The following PLCXD1 variants were observed in gnomAD, a reference collection of about 807,000 sequenced individuals.
The protein encoded by PLCXD1 is PI-PLC X domain-containing protein 1.
In PLCXD1, 45 loss-of-function variants were observed where a neutral mutation model predicts 37.8. The ratio of observed to expected loss-of-function variants is 1.19; its 90% CI spans 0.94 to 1.53. PLCXD1 has a LOEUF of 1.53. Ranked by LOEUF, PLCXD1 falls within the 40% of genes most tolerant of loss-of-function variation. The probability of loss-of-function intolerance (pLI) is 0.00; values close to 1 mark genes in which losing one functional copy is unlikely to be tolerated. For missense variants in PLCXD1, 539 were observed against 454.7 expected (o/e 1.19, Z -1.69); for synonymous variants, 246 against 206.9 (o/e 1.19, Z -1.62).
chrX:293,344 G>A (rs1360551550), intron 6 of PLCXD1, 126 bp downstream of exon 6: 3 of 736,644 alleles, frequency 4.1e-6, no homozygotes, highest in Non-Finnish European at 6.7e-6. Context: ...TCCATGAGCT[G>A]GGCGTGGTAA....
intron 6 of PLCXD1, among the ~76,000 whole-genome samples, chrX:295,278 G>A (rs180815977): frequency 9.2e-5 from 14 of 152,154 alleles, no homozygotes; most frequent in African/African-American, 2.6e-4. Flanking sequence ...CCACGGCCCC[G>A]TGTCCTCCGG....
At position 297,349 on chromosome X, in the gene PLCXD1, C is replaced by G. The variant is rs2069850030; in HGVS notation, c.734-1748C>G. ...CACATGGGGATTAGGACGTGGACATCTTTGGGGCCATTATTCTGTCTCCCA... is the reference window on the plus strand; with the variant it reads ...CACATGGGGATTAGGACGTGGACATGTTTGGGGCCATTATTCTGTCTCCCA... On this transcript the variant is annotated intron_variant, in intron 6 of 6. Coordinates refer to ENST00000381657, the MANE Select transcript of PLCXD1 (RefSeq NM_018390.4). 5.3e-5 allele frequency among the ~76,000 whole-genome samples: 3 copies of G among 56,190 alleles called. 1 individual carries two copies. The highest frequency in any genetic ancestry group is 9.3e-5 in the Non-Finnish European group (3 of 32,384). 36.9% of individuals were successfully genotyped at this position (56,190 alleles called of 152,430 possible).
chrX:283,828 T>G, intron 1 of PLCXD1: 1 of 199,322 alleles, frequency 5.0e-6, no homozygotes. Flanking sequence ...AAACATTTTT[T>G]GGAGCTGCAA....
chrX:276,931 C>CG (rs1304019727), upstream of PLCXD1, among the ~76,000 whole-genome samples: 1 of 152,198 alleles, frequency 6.6e-6, no homozygotes, highest in African/African-American at 2.4e-5. Context: ...GAGGACTCAG[C>CG]GGGCGGGAAG....
chrX:299,382 C>T lies in PLCXD1; in HGVS notation c.*47C>T, dbSNP rs200951211. The T allele has an allele frequency of 1.3e-4, 174 of 1,336,198 alleles. No individual in the cohort carries two copies. In the Middle Eastern group the frequency reaches 3.1e-3, roughly 24 times the overall value. 82.8% of individuals were successfully genotyped at this position (1,336,198 alleles called of 1,614,324 possible). A position where few individuals can be genotyped will look rare whatever the true frequency, so the allele number is the denominator to read the frequency against. ...GACGCGGCGGCTGCAGTTTCACCCC[C>T]GAATTTCCAAGTATTGTGACTTTGT... On this transcript the variant is annotated 3_prime_UTR_variant, in exon 7 of 7. Transcript: ENST00000381657.
upstream of PLCXD1, among the ~76,000 whole-genome samples, chrX:278,368 C>T (rs2069195772): frequency 6.6e-6 from 1 of 152,104 alleles, no homozygotes; most frequent in African/African-American, 2.4e-5. Context: ...TGGGTCCAGC[C>T]TGTCCTAGGA....
intron 1 of PLCXD1, 48 bp from the exon 2 acceptor site, chrX:284,119 G>C (rs1485574305): frequency 1.9e-5 from 29 of 1,523,468 alleles, no homozygotes; most frequent in Non-Finnish European, 2.4e-5. Flanking sequence ...TCGAACTCCT[G>C]ACCTGAAGTC....
intron 6 of PLCXD1, among the ~76,000 whole-genome samples, chrX:296,885 CATGGGGATTAGGACGTGGACAT>C (rs1249940171): frequency 0.026 from 3,840 of 145,682 alleles, no homozygotes; most frequent in East Asian, 0.038. Context: ...CTGTCTCCCA[CATGGGGATTAGGACGTGGACAT>C]CTTTGGGGCC....
chrX:291,405 C>G (rs975167681), intron 4 of PLCXD1, 94 bp from the exon 5 acceptor site: 6 of 1,463,810 alleles, frequency 4.1e-6, no homozygotes, highest in South Asian at 3.5e-5. Flanking sequence ...CTCGGCCTCC[C>G]AAATTGCTGG....
chrX:301,111 A>G lies in PLCXD1; in HGVS notation c.*1776A>G, dbSNP rs2070004153. Reference sequence around the variant, plus strand: ...CTGCAGCCTCAACCTCCTGGGCTCAAGCGATCCTCTCAGCTCAGCCTCCCG... The same window carrying G: ...CTGCAGCCTCAACCTCCTGGGCTCAGGCGATCCTCTCAGCTCAGCCTCCCG... On this transcript the variant is annotated 3_prime_UTR_variant, in exon 7 of 7. Transcript: ENST00000381657. 1 of 152,250 alleles carries G rather than the reference A, an allele frequency of 6.6e-6. No individual in the cohort carries two copies. The highest frequency in any genetic ancestry group is 6.6e-5 in the Admixed American group (1 of 15,260). 9.4% of individuals were successfully genotyped at this position (152,250 alleles called of 1,614,324 possible). A position where few individuals can be genotyped will look rare whatever the true frequency, so the allele number is the denominator to read the frequency against.
chrX:296,235 C>T (rs1355649043), intron 6 of PLCXD1, among the ~76,000 whole-genome samples: 1 of 152,178 alleles, frequency 6.6e-6, no homozygotes, highest in Non-Finnish European at 1.5e-5. Context: ...ATTCTCCTGC[C>T]TCAGCCTCCC....
rs188518927 is a variant in PLCXD1 at position 300,643 on chromosome X, T to C, written c.*1308T>C. The C allele has an allele frequency of 6.6e-6, 1 of 152,242 alleles. No homozygotes were observed. The highest frequency in any genetic ancestry group is 1.9e-4 in the East Asian group (1 of 5,168). The allele number at this position is 152,242 out of a possible 1,614,324, so 9.4% of individuals were successfully genotyped here. A position where few individuals can be genotyped will look rare whatever the true frequency, so the allele number is the denominator to read the frequency against. On this transcript the variant is annotated 3_prime_UTR_variant, in exon 7 of 7. Transcript: ENST00000381657. ...ACGTGTATGTATACATGTATATGTGTGTATGCGTGTATATACACACGTATA... is the reference window on the plus strand; with the variant it reads ...ACGTGTATGTATACATGTATATGTGCGTATGCGTGTATATACACACGTATA...
chrX:300,490 A>C lies in PLCXD1; in HGVS notation c.*1155A>C, dbSNP rs936822075. 1 of 137,208 alleles carries C rather than the reference A, an allele frequency of 7.3e-6. No homozygotes were observed. Among genetic ancestry groups the C allele is most frequent in the African/African-American group, 3.0e-5 (1 of 33,576 alleles). The allele number at this position is 137,208 out of a possible 1,614,324, so 8.5% of individuals were successfully genotyped here. On this transcript the variant is annotated 3_prime_UTR_variant, in exon 7 of 7. Coordinates refer to ENST00000381657, the MANE Select transcript of PLCXD1 (RefSeq NM_018390.4). ...TGTGTGTGTGTGTGTATATGTGTGT[A>C]TGTGTGTATATATGTATATGTGTGC...
At chrX:290,422 TCC>T (rs2069592423) in intron 3 of PLCXD1, among the ~76,000 whole-genome samples, 1 of 110,826 alleles carries the variant, frequency 9.0e-6, no homozygotes, top group South Asian at 3.1e-4. Context: ...AGAGCGAGAC[TCC>T]GTCTCAAAAA....
At position 300,432 on chromosome X, in the gene PLCXD1, A is replaced by G. The variant is rs2069968520; in HGVS notation, c.*1097A>G. The G allele has an allele frequency of 1.1e-5, 1 of 89,926 alleles. No homozygotes were observed. Among genetic ancestry groups the G allele is most frequent in the South Asian group, 2.8e-4 (1 of 3,612 alleles). 5.6% of individuals were successfully genotyped at this position (89,926 alleles called of 1,614,324 possible). The stretch of plus-strand genomic sequence containing the variant: ...TATATATGTGTATATATCGGTGTGT[A>G]TATATGTATGTATGTTTATACATGT... On this transcript the variant is annotated 3_prime_UTR_variant, in exon 7 of 7. Transcript: ENST00000381657.
chrX:287,696 G>C (rs1484175750), intron 2 of PLCXD1, among the ~76,000 whole-genome samples: 1 of 141,938 alleles, frequency 7.0e-6, no homozygotes, highest in Non-Finnish European at 1.5e-5. Context: ...TATAGATATA[G>C]ATACTATATA....
chrX:290,681 G>C lies in PLCXD1; in HGVS notation c.298G>C (p.Val100Leu), dbSNP rs201155514. Residue 100 changes from valine to leucine, a missense_variant, in exon 4 of 7, where the codon GTG becomes CTG. Physicochemically the swap from Val to Leu is conservative, Grantham distance 32. Coordinates refer to ENST00000381657, the MANE Select transcript of PLCXD1 (RefSeq NM_018390.4). ...CGTCACAGAGCAGCTGGATGCCGGGGTGCGGTACCTGGACCTGCGGATAGC... is the reference window on the plus strand; with the variant it reads ...CGTCACAGAGCAGCTGGATGCCGGGCTGCGGTACCTGGACCTGCGGATAGC... ...LDVTEQLDAG[V>L]RYLDLRIAHM... 1.5e-5 allele frequency: 24 copies of C among 1,613,798 alleles called. No individual in the cohort carries two copies. In the Admixed American group the frequency reaches 2.8e-4, roughly 19 times the overall value.
intron 2 of PLCXD1, among the ~76,000 whole-genome samples, chrX:284,569 TACAC>T (rs1416006601): frequency 1.4e-5 from 2 of 140,256 alleles, no homozygotes; most frequent in African/African-American, 5.2e-5. Flanking sequence ...TGTGCACACA[TACAC>T]AGGCATACAT....
At chrX:294,463 C>CA (rs1467987775) in intron 6 of PLCXD1, among the ~76,000 whole-genome samples, 5 of 146,902 alleles carry the variant, frequency 3.4e-5, no homozygotes, top group Non-Finnish European at 4.5e-5. Context: ...GCCTGGGCGA[C>CA]AGAGTGGAAC....
Sources: allele counts gnomAD v4.1 joint callset (sites outside exome capture counted in the v4.1 genomes callset), GRCh38; gene constraint gnomAD v4.1.1; transcripts MANE v1.5; gene names NCBI Gene and HGNC (gene_info 2026-07-23, HGNC 2026-07-21).